Variants in PARD3B observed in about 807,000 individuals in gnomAD.
PARD3B encodes the protein par-3 family cell polarity regulator beta, also known as partitioning defective 3 homolog B.
PARD3B carries 103 observed loss-of-function variants against 130.2 expected under a neutral mutation model. The observed-to-expected ratio is 0.79, with a 90% CI of 0.67 to 0.93. The LOEUF is 0.93. Ranked by LOEUF, PARD3B falls within the 40% of genes least tolerant of loss-of-function variation. The pLI is 0.00. For missense variants in PARD3B, 1,609 were observed against 1,499.2 expected, an observed-to-expected ratio of 1.07 and a Z score of -1.21; for synonymous variants, 583 against 553.2, an observed-to-expected ratio of 1.05 and a Z score of -0.76.
intron 4 of PARD3B, among the ~76,000 whole-genome samples, chr2:205,050,302 T>G (rs905286083): frequency 2.0e-5 from 3 of 151,824 alleles, no homozygotes; most frequent in Non-Finnish European, 4.4e-5. Context: ...CAAGGTCTAG[T>G]TCACCACAGG....
At chr2:205,295,781 G>C (rs1038206597) in intron 16 of PARD3B, among the ~76,000 whole-genome samples, 8 of 152,116 alleles carry the variant, frequency 5.3e-5, no homozygotes, top group Non-Finnish European at 1.2e-4. Context: ...GGTGATTATA[G>C]CCTAAGGAGA....
intron 13 of PARD3B, among the ~76,000 whole-genome samples, chr2:205,181,107 T>G (rs1006611267): frequency 1.3e-5 from 2 of 152,150 alleles, no homozygotes; most frequent in African/African-American, 2.4e-5. Flanking sequence ...AGGCACCCAC[T>G]GCCCCCAAAT....
In PARD3B at chr2:205,446,832, A is replaced by G. The variant is rs1457763756; in HGVS notation, c.3044+6160A>G. 6.6e-6 allele frequency among the ~76,000 whole-genome samples: 1 copy of G among 152,208 alleles called. No homozygotes were observed. Among genetic ancestry groups the G allele is most frequent in the East Asian group, 1.9e-4 (1 of 5,194 alleles). ...TACAATGTGTTAGTTTTCCACCGCA[A>G]TGCCAGCATTGAAAGGGCTCCCAGA... On this transcript the variant is annotated intron_variant, in intron 20 of 22. Coordinates refer to ENST00000406610, the MANE Select transcript of PARD3B (RefSeq NM_001302769.2). The surrounding 1 kb of genome is among the most constrained non-coding windows in gnomAD (Gnocchi z 4.4).
In PARD3B at chr2:205,057,687, G is replaced by GTATATA. The variant is rs143046413; in HGVS notation, c.504+9999_504+10000insTATATA. Among the ~76,000 whole-genome samples the GTATATA allele has an allele frequency of 2.0e-4, 24 of 121,504 alleles. 1 individual carries two copies. Among genetic ancestry groups the GTATATA allele is most frequent in the African/African-American group, 6.2e-4 (20 of 32,020 alleles). 79.7% of individuals were successfully genotyped at this position (121,504 alleles called of 152,430 possible). ...TATACATATATGTGTATGTGTATACGTACATATACATATATGTGTATGTGT... is the reference window on the plus strand; with the variant it reads ...TATACATATATGTGTATGTGTATACGTATATATACATATACATATATGTGTATGTGT... On this transcript the variant is annotated intron_variant, in intron 4 of 22. Coordinates refer to ENST00000406610, the MANE Select transcript of PARD3B (RefSeq NM_001302769.2).
In PARD3B at chr2:204,951,498, G is replaced by A. The variant is rs186465793; in HGVS notation, c.223-13654G>A. ...CATTGAAACACCACTTCTGTAGCCTGTTTATCTGGTCATTTAAATATTGTT... is the reference window on the plus strand; with the variant it reads ...CATTGAAACACCACTTCTGTAGCCTATTTATCTGGTCATTTAAATATTGTT... On this transcript the variant is annotated intron_variant, in intron 2 of 22. Coordinates refer to ENST00000406610, the MANE Select transcript of PARD3B (RefSeq NM_001302769.2). Among the ~76,000 whole-genome samples, 3 of 152,158 alleles carry A rather than the reference G, an allele frequency of 2.0e-5. No individual in the cohort carries two copies. In the East Asian group the frequency reaches 5.8e-4, roughly 29 times the overall value.
intron 3 of PARD3B, among the ~76,000 whole-genome samples, chr2:205,020,265 G>A (rs908345651): frequency 1.3e-5 from 2 of 152,052 alleles, no homozygotes; most frequent in Admixed American, 6.6e-5. Context: ...CCCTTGTGTG[G>A]CATTTAAAGA....
intron 19 of PARD3B, among the ~76,000 whole-genome samples, chr2:205,412,615 C>T (rs980442088): frequency 1.1e-4 from 17 of 152,174 alleles, no homozygotes; most frequent in African/African-American, 3.9e-4. Flanking sequence ...CCTAACACAT[C>T]TGACTTTAAC....
At position 205,592,762 on chromosome 2, in the gene PARD3B, G is replaced by A. The variant is rs182458833; in HGVS notation, c.3261-22694G>A. On this transcript the variant is annotated intron_variant, in intron 22 of 22. Transcript: ENST00000406610. The surrounding 1 kb of genome is among the most constrained non-coding windows in gnomAD (Gnocchi z 4.5). ...CAGAAGTAAAGGATCAGGAAGAAGC[G>A]GCATCTGGAACAAGTACAGATGGCC... Among the ~76,000 whole-genome samples the A allele has an allele frequency of 1.3e-4, 20 of 152,292 alleles. No individual in the cohort carries two copies. Among genetic ancestry groups the A allele is most frequent in the Non-Finnish European group, 2.4e-4 (16 of 68,022 alleles).
chr2:204,897,463 C>G (rs2046682374), intron 2 of PARD3B, among the ~76,000 whole-genome samples: 1 of 142,712 alleles, frequency 7.0e-6, no homozygotes. Flanking sequence ...AATGGACTGT[C>G]TCCCAAAACT....
intron 2 of PARD3B, among the ~76,000 whole-genome samples, chr2:204,721,396 G>C (rs576247378): frequency 6.6e-6 from 1 of 152,122 alleles, no homozygotes; most frequent in African/African-American, 2.4e-5. Context: ...AGGGCCAGTC[G>C]TTTCAGAGGC....
intron 2 of PARD3B, among the ~76,000 whole-genome samples, chr2:204,775,133 G>T (rs1196541705): frequency 6.6e-6 from 1 of 152,072 alleles, no homozygotes; most frequent in Non-Finnish European, 1.5e-5. Context: ...GGATGATTTT[G>T]TTGGGTAACT....
chr2:204,960,346 G>A (rs569529870), intron 2 of PARD3B, among the ~76,000 whole-genome samples: 50 of 152,178 alleles, frequency 3.3e-4, no homozygotes, highest in Admixed American at 2.7e-3. Flanking sequence ...CTGACTCCCC[G>A]TTTTGAAAGT....
chr2:204,809,365 AATG>A (rs1225839135), intron 2 of PARD3B, among the ~76,000 whole-genome samples: 4 of 152,084 alleles, frequency 2.6e-5, no homozygotes, highest in African/African-American at 9.7e-5. Flanking sequence ...CTATGTTCAG[AATG>A]ATATTACCTA....
chr2:205,082,370 T>C (rs1262527904), intron 4 of PARD3B, among the ~76,000 whole-genome samples: 1 of 152,160 alleles, frequency 6.6e-6, no homozygotes, highest in Non-Finnish European at 1.5e-5. Flanking sequence ...ACAGTAAGAT[T>C]AACAGCACTA....
chr2:205,048,732 A>C (rs1331362265), intron 4 of PARD3B: 1 of 152,200 alleles, frequency 6.6e-6, no homozygotes, highest in Non-Finnish European at 1.5e-5. Flanking sequence ...CACTATTTGA[A>C]ATCATTAGCT....
At chr2:204,579,886 T>C (rs570946192) in intron 1 of PARD3B, among the ~76,000 whole-genome samples, 1 of 152,340 alleles carries the variant, frequency 6.6e-6, no homozygotes, top group East Asian at 1.9e-4. Flanking sequence ...GTGAAGACAA[T>C]TGAAGGCTAG....
rs1373336591 is a variant in PARD3B, at chr2:204,610,397, C to G, written c.120+64278C>G. On this transcript the variant is annotated intron_variant, in intron 1 of 22. Coordinates refer to ENST00000406610, the MANE Select transcript of PARD3B (RefSeq NM_001302769.2). The surrounding 1 kb of genome is among the most constrained non-coding windows in gnomAD (Gnocchi z 4.1). ...TTTTTATGGAGTCTCCCTCTGTTGC[C>G]TAGGCTGGAGGGCAGTGGCACGGTC... Among the ~76,000 whole-genome samples, 1 of 152,176 alleles carries G rather than the reference C, an allele frequency of 6.6e-6. No individual in the cohort carries two copies. Among genetic ancestry groups the G allele is most frequent in the Non-Finnish European group, 1.5e-5 (1 of 68,044 alleles).
chr2:204,598,200 C>T (rs1202643252), intron 1 of PARD3B, among the ~76,000 whole-genome samples: 1 of 152,130 alleles, frequency 6.6e-6, no homozygotes, highest in Non-Finnish European at 1.5e-5. Flanking sequence ...TTCTATCTTA[C>T]CTGTTTCCTG....
At chr2:204,763,084 A>T (rs73060939) in intron 2 of PARD3B, among the ~76,000 whole-genome samples, 1 of 152,072 alleles carries the variant, frequency 6.6e-6, no homozygotes, top group Non-Finnish European at 1.5e-5. Flanking sequence ...TTACTTGACA[A>T]TTAGGTTCCC....
Sources: gnomAD v4.1 joint callset for allele counts (sites outside exome capture counted in the v4.1 genomes callset) on GRCh38, gnomAD v4.1.1 for gene constraint, Gnocchi (gnomAD v3.1) non-coding constraint, MANE v1.5 for transcripts, NCBI Gene and HGNC (gene_info 2026-07-23, HGNC 2026-07-21) for gene names.